Variants in RGS17 observed in about 807,000 individuals in gnomAD.
RGS17 encodes the protein regulator of G protein signaling 17, also known as regulator of G-protein signaling 17.
In RGS17, 12 loss-of-function variants were observed where a neutral mutation model predicts 25.5. That is an observed-to-expected ratio of 0.47 (90% CI 0.30 to 0.76). The LOEUF (loss-of-function observed/expected upper bound fraction) is 0.76, where lower values mean the gene tolerates loss of function less well. Ranked by LOEUF, RGS17 falls within the 30% of genes least tolerant of loss-of-function variation. The pLI is 0.07. For missense variants in RGS17, 196 were observed against 242.2 expected (o/e 0.81, Z 1.27); for synonymous variants, 71 against 76.9 (o/e 0.92, Z 0.40).
intron 1 of RGS17, among the ~76,000 whole-genome samples, chr6:153,115,532 T>A (rs1031506332): frequency 6.6e-6 from 1 of 152,150 alleles, no homozygotes; most frequent in Non-Finnish European, 1.5e-5. Context: ...GCTATCCCCA[T>A]CTAGCTGCCA....
chr6:153,110,261 G>A (rs937705408), intron 1 of RGS17, among the ~76,000 whole-genome samples: 8 of 152,160 alleles, frequency 5.3e-5, no homozygotes, highest in African/African-American at 1.9e-4. Flanking sequence ...TCAAAGAGAT[G>A]TTTGGCTCAC....
chr6:153,087,826 G>A (rs1777072752), intron 1 of RGS17, among the ~76,000 whole-genome samples: 1 of 152,146 alleles, frequency 6.6e-6, no homozygotes, highest in South Asian at 2.1e-4. Context: ...TATGTAAAGG[G>A]AGAAGACTTC....
intron 1 of RGS17, among the ~76,000 whole-genome samples, chr6:153,094,955 C>T (rs1235905950): frequency 6.6e-6 from 1 of 152,000 alleles, no homozygotes; most frequent in Non-Finnish European, 1.5e-5. Flanking sequence ...TTGTGATTAA[C>T]ATAATCTTCA....
chr6:153,050,048 A>G (rs9479488), intron 1 of RGS17, among the ~76,000 whole-genome samples: 87,321 of 151,918 alleles, frequency 0.57, 25,288 homozygotes, highest in East Asian at 0.69. Context: ...TTATCATTCA[A>G]GAATGACAGA....
chr6:153,052,212 C>G (rs1776470828), intron 1 of RGS17, among the ~76,000 whole-genome samples: 1 of 152,024 alleles, frequency 6.6e-6, no homozygotes, highest in Non-Finnish European at 1.5e-5. Flanking sequence ...CCCAATTTGG[C>G]AGAGGTGCAG....
chr6:153,026,594 A>G lies in RGS17; in HGVS notation c.120-51T>C, dbSNP rs1222672724. 3 of 1,405,776 alleles carry G rather than the reference A, an allele frequency of 2.1e-6. No homozygotes were observed. The African/African-American group carries it at 4.3e-5, about 20-fold the overall frequency. The allele number at this position is 1,405,776 out of a possible 1,614,324, so 87.1% of individuals were successfully genotyped here. A position where few individuals can be genotyped will look rare whatever the true frequency, so the allele number is the denominator to read the frequency against. On this transcript the variant is annotated intron_variant, in intron 2 of 4. Coordinates refer to ENST00000206262, the MANE Select transcript of RGS17 (RefSeq NM_012419.5). The stretch of plus-strand genomic sequence containing the variant: ...TTGTCAAGGGAAATTCAATCAGTTG[A>G]AGAAAAGAATAAATTTTTCTGGGGA...
At chr6:153,028,317 A>G (rs1478819328) in intron 2 of RGS17, among the ~76,000 whole-genome samples, 5 of 152,130 alleles carry the variant, frequency 3.3e-5, no homozygotes, top group African/African-American at 9.7e-5. Context: ...CCTGCTGCAC[A>G]TTGACTAGAC....
intron 1 of RGS17, among the ~76,000 whole-genome samples, chr6:153,107,401 G>A (rs1351101990): frequency 6.6e-6 from 1 of 152,110 alleles, no homozygotes; most frequent in African/African-American, 2.4e-5. Context: ...TAATATTGTA[G>A]TTATGTCTGA....
chr6:153,087,028 A>G (rs1328696413), intron 1 of RGS17, among the ~76,000 whole-genome samples: 2 of 152,150 alleles, frequency 1.3e-5, no homozygotes, highest in Non-Finnish European at 2.9e-5. Flanking sequence ...CACACCTATA[A>G]TCCCAGCACT....
rs375287232 is a variant in RGS17 at position 153,041,378 on chromosome 6, T to C, written c.119+2522A>G. On this transcript the variant is annotated intron_variant, in intron 2 of 4. Transcript: ENST00000206262. ...AGCATGCAGCCAATGTACCCAATGT[T>C]TGGGGATCTACTCTAGAGGTGTAGA... is the stretch of plus-strand genomic sequence containing the variant. Among the ~76,000 whole-genome samples the C allele has an allele frequency of 7.2e-5, 11 of 152,218 alleles. No individual in the cohort carries two copies. The East Asian group carries it at 1.7e-3, about 24-fold the overall frequency.
At chr6:153,095,516 T>C (rs187793409) in intron 1 of RGS17, among the ~76,000 whole-genome samples, 39 of 152,298 alleles carry the variant, frequency 2.6e-4, no homozygotes, top group Admixed American at 1.9e-3. Context: ...CACTTAATAA[T>C]TGAATCTGTA....
At chr6:153,046,485 AATT>A (rs1238299717) in intron 1 of RGS17, among the ~76,000 whole-genome samples, 2 of 151,968 alleles carry the variant, frequency 1.3e-5, no homozygotes, top group African/African-American at 4.8e-5. Context: ...GAATATGTAC[AATT>A]ATTATTTGTC....
chr6:153,020,390 TA>T (rs1238759427), intron 4 of RGS17, among the ~76,000 whole-genome samples: 1 of 151,596 alleles, frequency 6.6e-6, no homozygotes, highest in Non-Finnish European at 1.5e-5. Flanking sequence ...CCCGACCTTG[TA>T]ATCCACCCAT....
chr6:153,077,182 G>A (rs1235042427), intron 1 of RGS17, among the ~76,000 whole-genome samples: 1 of 152,048 alleles, frequency 6.6e-6, no homozygotes, highest in Non-Finnish European at 1.5e-5. Context: ...AAACAAAAAA[G>A]ACAAAGGAAG....
intron 1 of RGS17, among the ~76,000 whole-genome samples, chr6:153,053,944 ATATATAT>A (rs1776499258): frequency 2.7e-5 from 1 of 37,462 alleles, no homozygotes; most frequent in Non-Finnish European, 4.0e-5. Context: ...TGTATATATA[ATATATAT>A]ACATATATAT....
intron 1 of RGS17, among the ~76,000 whole-genome samples, chr6:153,095,542 G>T (rs977260413): frequency 2.0e-5 from 3 of 151,966 alleles, no homozygotes; most frequent in Admixed American, 1.3e-4. Context: ...GCAGGCTTTG[G>T]GATATTAGAT....
intron 4 of RGS17, among the ~76,000 whole-genome samples, chr6:153,017,224 C>G (rs1779194104): frequency 6.6e-6 from 1 of 151,786 alleles, no homozygotes; most frequent in Admixed American, 6.6e-5. Context: ...CTGAAAAGTC[C>G]GGCAATGTTG....
At chr6:153,046,392 G>T (rs1562319377) in intron 1 of RGS17, among the ~76,000 whole-genome samples, 1 of 151,898 alleles carries the variant, frequency 6.6e-6, no homozygotes, top group Non-Finnish European at 1.5e-5. Flanking sequence ...GATGAATATG[G>T]TAATGATCCT....
At chr6:153,088,525 A>G (rs772563694) in intron 1 of RGS17, among the ~76,000 whole-genome samples, 2 of 152,176 alleles carry the variant, frequency 1.3e-5, no homozygotes, top group Non-Finnish European at 2.9e-5. Flanking sequence ...CAATATGTCT[A>G]ATTGTTTCCT....
Sources: gnomAD v4.1 joint callset for allele counts (sites outside exome capture counted in the v4.1 genomes callset) on GRCh38, gnomAD v4.1.1 for gene constraint, MANE v1.5 for transcripts, NCBI Gene and HGNC (gene_info 2026-07-23, HGNC 2026-07-21) for gene names.